Variants in USP33 observed in about 807,000 individuals in gnomAD.
USP33 encodes the protein ubiquitin carboxyl-terminal hydrolase 33.
Under a neutral mutation model 124.2 loss-of-function variants are expected in USP33, and 46 were observed. The observed-to-expected ratio is 0.37, with a 90% CI of 0.29 to 0.47. The LOEUF is 0.47. Among genes scored for constraint, USP33 ranks in the 20% least tolerant of loss-of-function variants. USP33 has a pLI of 0.99. For synonymous variants in USP33, 350 were observed against 352.3 expected (o/e 0.99, Z 0.07); for missense variants, 851 against 1,070.6 (o/e 0.79, Z 2.86).
At chr1:77,713,515 G>T in intron 19 of USP33, 1 of 380,212 alleles carries the variant, frequency 2.6e-6, no homozygotes, top group Non-Finnish European at 4.6e-6. Context: ...GTCCTGAGTA[G>T]CTGGGACTAC....
At chr1:77,709,860 A>G (rs987639308) in intron 21 of USP33, among the ~76,000 whole-genome samples, 1 of 147,026 alleles carries the variant, frequency 6.8e-6, no homozygotes, top group Non-Finnish European at 1.5e-5. Flanking sequence ...AGAAATATCA[A>G]GTTTCTATAC....
rs759678770 is a variant in USP33, at chr1:77,741,339, A to C, written c.135+37T>G. ...ATTATTCAGATCCAAATTTATTATT[A>C]TTATAGCAATCTTTTCAGGAAAAAA... On this transcript the variant is annotated intron_variant, in intron 3 of 23. Coordinates refer to ENST00000370794, the MANE Select transcript of USP33 (RefSeq NM_201624.3). 3.8e-6 allele frequency: 6 copies of C among 1,559,076 alleles called. No homozygotes were observed. The African/African-American group carries it at 8.3e-5, about 22-fold the overall frequency.
At chr1:77,755,008 T>C (rs1193948070) in intron 1 of USP33, among the ~76,000 whole-genome samples, 2 of 152,216 alleles carry the variant, frequency 1.3e-5, no homozygotes, top group East Asian at 3.8e-4. Context: ...GTTGAAATAA[T>C]TTTGAGAAAT....
chr1:77,715,995 T>G, intron 17 of USP33, 127 bp from the exon 18 acceptor site: 1 of 1,065,744 alleles, frequency 9.4e-7, no homozygotes, highest in Non-Finnish European at 1.3e-6. Flanking sequence ...CTTGTATTTT[T>G]TTTTCAGTTT....
intron 7 of USP33, among the ~76,000 whole-genome samples, chr1:77,733,835 A>G (rs1283373328): frequency 6.6e-6 from 1 of 152,194 alleles, no homozygotes; most frequent in Non-Finnish European, 1.5e-5. Flanking sequence ...TCTATAATTT[A>G]ATCCAAGGGA....
intron 17 of USP33, 31 bp from the exon 18 acceptor site, chr1:77,715,899 T>C (rs1349120745): frequency 1.9e-6 from 3 of 1,600,478 alleles, no homozygotes; most frequent in Admixed American, 1.7e-5. Context: ...ATCATTACAG[T>C]AATACAAAAA....
At chr1:77,745,278 A>G (rs955688790) in intron 1 of USP33, 54 of 152,258 alleles carry the variant, frequency 3.5e-4, no homozygotes, top group African/African-American at 1.3e-3. Context: ...TGCTTGGTAG[A>G]TCTTCCTCCA....
Position 77,718,055 on chromosome 1 carries a change from A to G in USP33, c.1738-8T>C, listed in dbSNP as rs745670965. On this transcript the variant is annotated splice_polypyrimidine_tract_variant and splice_region_variant and intron_variant, in intron 16 of 23. Transcript: ENST00000370794. ...AAGGTGGATGCACAAAATCTAAAAA[A>G]GAATAAAATTCAAAACTAATTTGTC... 1.3e-6 allele frequency: 2 copies of G among 1,581,272 alleles called. No individual in the cohort carries two copies. Among genetic ancestry groups the G allele is most frequent in the Non-Finnish European group, 1.7e-6 (2 of 1,164,762 alleles).
intron 7 of USP33, among the ~76,000 whole-genome samples, chr1:77,731,231 T>C (rs939881761): frequency 1.3e-5 from 2 of 152,244 alleles, no homozygotes; most frequent in African/African-American, 2.4e-5. Flanking sequence ...AACCATGTCA[T>C]CTAAATTTCA....
intron 6 of USP33, 26 bp from the exon 7 acceptor site, chr1:77,734,442 T>G: frequency 6.9e-7 from 1 of 1,441,424 alleles, no homozygotes; most frequent in Non-Finnish European, 9.5e-7. Flanking sequence ...ATACATGAAG[T>G]CATCATTCAA....
chr1:77,732,124 A>C (rs1355589722), intron 7 of USP33, among the ~76,000 whole-genome samples: 1 of 151,932 alleles, frequency 6.6e-6, no homozygotes, highest in Non-Finnish European at 1.5e-5. Flanking sequence ...AAAAAAAAAA[A>C]AACCAGAATT....
intron 15 of USP33, among the ~76,000 whole-genome samples, chr1:77,719,103 G>A (rs1676265241): frequency 6.6e-6 from 1 of 151,928 alleles, no homozygotes; most frequent in South Asian, 2.1e-4. Context: ...GCTCACGCCT[G>A]TAATCTCAGC....
chr1:77,711,400 G>A (rs748117453), intron 21 of USP33: 45 of 176,126 alleles, frequency 2.6e-4, no homozygotes, highest in Non-Finnish European at 5.0e-4. Context: ...GGTGGGGCAT[G>A]CCTGTAGTTC....
intron 12 of USP33, 86 bp downstream of exon 12, chr1:77,723,245 G>A: frequency 1.0e-6 from 1 of 962,020 alleles, no homozygotes; most frequent in South Asian, 1.4e-5. Flanking sequence ...CAAAGAGAAG[G>A]AATTAAACTT....
intron 7 of USP33, among the ~76,000 whole-genome samples, chr1:77,732,320 TC>T (rs1677917810): frequency 6.6e-6 from 1 of 152,062 alleles, no homozygotes; most frequent in South Asian, 2.1e-4. Flanking sequence ...CAATCAATCA[TC>T]CTCCTAAAAG....
intron 7 of USP33, among the ~76,000 whole-genome samples, chr1:77,732,266 T>C (rs1344584016): frequency 2.0e-5 from 3 of 152,134 alleles, no homozygotes; most frequent in Non-Finnish European, 2.9e-5. Context: ...TGTTAAACTT[T>C]GAATCTCCTC....
chr1:77,710,130 T>A (rs1290748838), intron 21 of USP33, among the ~76,000 whole-genome samples: 1 of 152,236 alleles, frequency 6.6e-6, no homozygotes, highest in Non-Finnish European at 1.5e-5. Flanking sequence ...TGTACCCTTG[T>A]AGCCACCAAT....
intron 21 of USP33, among the ~76,000 whole-genome samples, chr1:77,702,365 C>A (rs1393389487): frequency 2.6e-5 from 4 of 151,978 alleles, no homozygotes; most frequent in Non-Finnish European, 5.9e-5. Flanking sequence ...TATTAAAAAT[C>A]TAATGTGTAA....
chr1:77,731,340 T>C (rs779662453), intron 7 of USP33, among the ~76,000 whole-genome samples: 11 of 152,186 alleles, frequency 7.2e-5, no homozygotes, highest in Non-Finnish European at 1.6e-4. Flanking sequence ...TTGGTATTAA[T>C]ATTTGTTGGT....
Sources: allele counts gnomAD v4.1 joint callset (sites outside exome capture counted in the v4.1 genomes callset), GRCh38; gene constraint gnomAD v4.1.1; transcripts MANE v1.5; gene names NCBI Gene and HGNC (gene_info 2026-07-23, HGNC 2026-07-21).